SLC25A26: variants seen among roughly 807,000 people sequenced by gnomAD.
SLC25A26 encodes solute carrier family 25 member 26, also known as mitochondrial S-adenosylmethionine carrier protein.
SLC25A26 carries 36 observed loss-of-function variants against 37.8 expected under a neutral mutation model. The ratio of observed to expected loss-of-function variants is 0.95; its 90% confidence interval spans 0.73 to 1.26. The LOEUF (loss-of-function observed/expected upper bound fraction) is 1.26. SLC25A26 is among the 50% of genes most tolerant of loss of function. SLC25A26 has a pLI of 0.00. For missense variants in SLC25A26, 390 were observed against 331.1 expected (o/e 1.18, Z -1.38); for synonymous variants, 129 against 122.5 (o/e 1.05, Z -0.35).
intron 1 of SLC25A26, among the ~76,000 whole-genome samples, chr3:66,224,193 C>T (rs1422450019): frequency 6.6e-6 from 1 of 152,178 alleles, no homozygotes; most frequent in Non-Finnish European, 1.5e-5. Flanking sequence ...TTGAAATACT[C>T]CAAAATAGCA....
chr3:66,217,692 G>A (rs1406875749), upstream of SLC25A26, among the ~76,000 whole-genome samples: 1 of 151,956 alleles, frequency 6.6e-6, no homozygotes, highest in East Asian at 1.9e-4. Flanking sequence ...GGGACTCCAG[G>A]CGCGCATCAC....
chr3:66,365,819 G>C (rs564305144), intron 7 of SLC25A26, among the ~76,000 whole-genome samples: 1 of 152,206 alleles, frequency 6.6e-6, no homozygotes, highest in Non-Finnish European at 1.5e-5. Context: ...GCACATAAGA[G>C]GGGTATGGTG....
At chr3:66,258,495 A>G (rs1436213320) in intron 3 of SLC25A26, among the ~76,000 whole-genome samples, 4 of 152,190 alleles carry the variant, frequency 2.6e-5, no homozygotes, top group African/African-American at 4.8e-5. Context: ...CTAAAAAAGC[A>G]ATTATTTCTG....
At chr3:66,239,925 A>G (rs2072491666) in intron 2 of SLC25A26, among the ~76,000 whole-genome samples, 1 of 150,678 alleles carries the variant, frequency 6.6e-6, no homozygotes, top group Non-Finnish European at 1.5e-5. Context: ...CTAACAAGCA[A>G]TTTGACTCTC....
intron 1 of SLC25A26, among the ~76,000 whole-genome samples, chr3:66,186,130 G>A (rs1399389065): frequency 6.6e-6 from 1 of 151,472 alleles, no homozygotes; most frequent in Non-Finnish European, 1.5e-5. Context: ...CTTCATTCTG[G>A]CCACCCGATA....
Position 66,150,531 on chromosome 3 carries a change from ATAT to A in SLC25A26, c.-354+16548_-354+16550del, listed in dbSNP as rs1276349994. Among the ~76,000 whole-genome samples, 16 of 133,230 alleles carry A rather than the reference ATAT, an allele frequency of 1.2e-4. No homozygotes were observed. The South Asian group carries it at 2.8e-3, about 23-fold the overall frequency. The allele number at this position is 133,230 out of a possible 152,430, so 87.4% of individuals were successfully genotyped here. ...AAAATATATATATATAATGATATAT[ATAT>A]ATATATATATAAAATATATATAATG... On this transcript the variant is annotated intron_variant, in intron 1 of 10. Transcript: ENST00000676754.
At chr3:66,374,888 AATT>A (rs1037086616) in intron 9 of SLC25A26, among the ~76,000 whole-genome samples, 2 of 151,734 alleles carry the variant, frequency 1.3e-5, no homozygotes, top group Admixed American at 6.6e-5. Flanking sequence ...CAAAAAAAAA[AATT>A]AATTAATTAA....
intron 3 of SLC25A26, among the ~76,000 whole-genome samples, chr3:66,248,957 C>T (rs1264861293): frequency 6.6e-6 from 1 of 152,180 alleles, no homozygotes; most frequent in African/African-American, 2.4e-5. Flanking sequence ...TGCCACTGAT[C>T]TAGGCACATA....
At chr3:66,256,140 A>G (rs916143804) in intron 3 of SLC25A26, among the ~76,000 whole-genome samples, 4 of 152,128 alleles carry the variant, frequency 2.6e-5, no homozygotes, top group Admixed American at 2.0e-4. Flanking sequence ...AGGAGTTAGT[A>G]TACCCTTTTC....
At chr3:66,261,316 T>C (rs1181453833) in intron 3 of SLC25A26, among the ~76,000 whole-genome samples, 2 of 152,210 alleles carry the variant, frequency 1.3e-5, no homozygotes, top group Admixed American at 6.5e-5. Context: ...TTCTTTGCTT[T>C]TGTGGGCAGA....
chr3:66,310,841 G>GC (rs2075356502), intron 5 of SLC25A26, among the ~76,000 whole-genome samples: 1 of 152,170 alleles, frequency 6.6e-6, no homozygotes, highest in Non-Finnish European at 1.5e-5. Context: ...TTGGCTTGTA[G>GC]CGTTTCTACA....
intron 2 of SLC25A26, among the ~76,000 whole-genome samples, chr3:66,239,952 C>T (rs1030795476): frequency 6.6e-6 from 1 of 151,122 alleles, no homozygotes; most frequent in Non-Finnish European, 1.5e-5. Flanking sequence ...AATGTCATGA[C>T]TCCTTTCTGC....
At chr3:66,168,952 T>C (rs2070460045) in intron 1 of SLC25A26, among the ~76,000 whole-genome samples, 2 of 152,102 alleles carry the variant, frequency 1.3e-5, no homozygotes, top group Admixed American at 1.3e-4. Flanking sequence ...CAAGACCTGG[T>C]CTATACAAAA....
chr3:66,175,638 A>G (rs572255858), intron 1 of SLC25A26, among the ~76,000 whole-genome samples: 5 of 152,342 alleles, frequency 3.3e-5, no homozygotes, highest in Non-Finnish European at 5.9e-5. Flanking sequence ...TGTAAGTTGT[A>G]GTCTGCAGGC....
chr3:66,219,385 T>G (rs1199672100), upstream of SLC25A26, among the ~76,000 whole-genome samples: 6 of 152,210 alleles, frequency 3.9e-5, no homozygotes, highest in African/African-American at 1.4e-4. Flanking sequence ...AAAGGAATTT[T>G]TCAGATATAA....
At chr3:66,294,164 G>T (rs1342079628) in intron 5 of SLC25A26, among the ~76,000 whole-genome samples, 4 of 152,120 alleles carry the variant, frequency 2.6e-5, no homozygotes, top group African/African-American at 4.8e-5. Flanking sequence ...TAAGCATGGA[G>T]TGTTTTTTCA....
intron 5 of SLC25A26, among the ~76,000 whole-genome samples, chr3:66,313,926 G>A (rs759360125): frequency 2.0e-5 from 3 of 152,096 alleles, no homozygotes; most frequent in Non-Finnish European, 4.4e-5. Flanking sequence ...CTGCTTGCCT[G>A]TAGTTCGTGT....
At chr3:66,301,301 TTACAGATTTTTA>T (rs2075069125) in intron 5 of SLC25A26, among the ~76,000 whole-genome samples, 2 of 152,260 alleles carry the variant, frequency 1.3e-5, no homozygotes, top group South Asian at 4.1e-4. Flanking sequence ...TGCCAAGTTG[TTACAGATTTTTA>T]TACAGACTTT....
intron 5 of SLC25A26, among the ~76,000 whole-genome samples, chr3:66,315,977 C>A (rs2075528059): frequency 6.6e-6 from 1 of 152,102 alleles, no homozygotes; most frequent in South Asian, 2.1e-4. Flanking sequence ...AAATTTTCCT[C>A]CATCCTTTTC....
Sources: gnomAD v4.1 joint callset for allele counts (sites outside exome capture counted in the v4.1 genomes callset) on GRCh38, gnomAD v4.1.1 for gene constraint, MANE v1.5 for transcripts, NCBI Gene and HGNC (gene_info 2026-07-23, HGNC 2026-07-21) for gene names.